Variants in CCNY observed in about 807,000 individuals in gnomAD.
CCNY encodes cyclin-Y.
CCNY carries 19 observed loss-of-function variants against 42.8 expected under a neutral mutation model. That is an observed-to-expected ratio of 0.44 (90% CI 0.31 to 0.65). CCNY has a LOEUF of 0.65. CCNY is among the 30% of genes least tolerant of loss of function. The probability of loss-of-function intolerance (pLI) is 0.07; values close to 1 mark genes in which losing one functional copy is unlikely to be tolerated. For synonymous variants in CCNY, 165 were observed against 162.7 expected (o/e 1.01, Z -0.11); for missense variants, 370 against 437.3 (o/e 0.85, Z 1.37).
intron 8 of CCNY, among the ~76,000 whole-genome samples, chr10:35,562,744 T>C (rs1232006205): frequency 1.3e-5 from 2 of 152,282 alleles, no homozygotes; most frequent in South Asian, 2.1e-4. Context: ...TACCTCCACA[T>C]TGGGCTAGTA....
At chr10:35,501,589 C>T in intron 3 of CCNY, 54 bp downstream of exon 3, 1 of 1,447,526 alleles carries the variant, frequency 6.9e-7, no homozygotes, top group Non-Finnish European at 9.7e-7. Context: ...GTGTAAAGAG[C>T]TAAAATAACT....
intron 7 of CCNY, among the ~76,000 whole-genome samples, chr10:35,539,408 ATCTT>A (rs1266991545): frequency 6.6e-6 from 1 of 152,216 alleles, no homozygotes; most frequent in Non-Finnish European, 1.5e-5. Flanking sequence ...AACATGGAAT[ATCTT>A]TCTATTTATT....
At chr10:35,528,717 C>T (rs770819069) in intron 5 of CCNY, among the ~76,000 whole-genome samples, 10 of 152,120 alleles carry the variant, frequency 6.6e-5, no homozygotes, top group Non-Finnish European at 1.2e-4. Flanking sequence ...GAGCAAGACT[C>T]CGTCTCAAAA....
chr10:35,529,941 T>G lies in CCNY; in HGVS notation c.402-32T>G, dbSNP rs774660532. 3.8e-6 allele frequency: 6 copies of G among 1,567,184 alleles called. No individual in the cohort carries two copies. In the Admixed American group the frequency reaches 1.0e-4, roughly 27 times the overall value. ...ATTTGAATGACATTCTTGCAGAAAG[T>G]AAGTTTCATTTTCTATTATTTTCCC... On this transcript the variant is annotated intron_variant, in intron 5 of 9. Transcript: ENST00000374704.
intron 1 of CCNY, among the ~76,000 whole-genome samples, chr10:35,456,888 C>T (rs553800044): frequency 1.5e-4 from 23 of 152,116 alleles, no homozygotes; most frequent in African/African-American, 4.8e-4. Flanking sequence ...ACACCATTCA[C>T]GGATCAAAAA....
chr10:35,296,457 T>C (rs1216349311), intron 3 of CCNY, among the ~76,000 whole-genome samples: 3 of 152,146 alleles, frequency 2.0e-5, no homozygotes, highest in African/African-American at 7.2e-5. Flanking sequence ...GGCGCATACC[T>C]GTAATCCCAG....
At chr10:35,515,646 G>A (rs1472719160) in intron 3 of CCNY, among the ~76,000 whole-genome samples, 1 of 152,164 alleles carries the variant, frequency 6.6e-6, no homozygotes, top group East Asian at 1.9e-4. Context: ...CATAGCATCA[G>A]GCACGTGGAA....
At chr10:35,391,527 C>T (rs930923589) in intron 1 of CCNY, among the ~76,000 whole-genome samples, 5 of 152,068 alleles carry the variant, frequency 3.3e-5, no homozygotes, top group East Asian at 1.9e-4. Context: ...AGCAAGTGGG[C>T]GATGAGAACC....
chr10:35,319,182 T>C (rs1363998587), intron 3 of CCNY, among the ~76,000 whole-genome samples: 1 of 152,116 alleles, frequency 6.6e-6, no homozygotes, highest in East Asian at 1.9e-4. Context: ...CCAGAACTCT[T>C]GGGTTCAAGC....
At chr10:35,343,915 A>G (rs1463001345) in intron 1 of CCNY, among the ~76,000 whole-genome samples, 3 of 152,224 alleles carry the variant, frequency 2.0e-5, no homozygotes, top group Non-Finnish European at 4.4e-5. Flanking sequence ...TATTGACAGT[A>G]TCATACTTGT....
chr10:35,361,318 G>C (rs1470372822), intron 1 of CCNY, among the ~76,000 whole-genome samples: 1 of 152,042 alleles, frequency 6.6e-6, no homozygotes, highest in Non-Finnish European at 1.5e-5. Flanking sequence ...TAAAAGTGTT[G>C]CCTCTAAACA....
intron 1 of CCNY, among the ~76,000 whole-genome samples, chr10:35,423,342 A>G (rs1838198799): frequency 6.6e-6 from 1 of 151,926 alleles, no homozygotes; most frequent in Non-Finnish European, 1.5e-5. Context: ...GGGCATGGTG[A>G]CGCGCACCTG....
At chr10:35,269,926 C>T (rs1428956928) in intron 3 of CCNY, among the ~76,000 whole-genome samples, 1 of 152,146 alleles carries the variant, frequency 6.6e-6, no homozygotes, top group Non-Finnish European at 1.5e-5. Context: ...GTTCATCACT[C>T]TTAAATTCTG....
At chr10:35,535,544 A>C (rs1374790778) in intron 7 of CCNY, among the ~76,000 whole-genome samples, 1 of 152,138 alleles carries the variant, frequency 6.6e-6, no homozygotes, top group Non-Finnish European at 1.5e-5. Flanking sequence ...ATATGTATAC[A>C]TATACGTATA....
At chr10:35,280,138 G>T (rs1056933517) in intron 3 of CCNY, among the ~76,000 whole-genome samples, 20 of 151,948 alleles carry the variant, frequency 1.3e-4, no homozygotes, top group African/African-American at 4.6e-4. Flanking sequence ...ACCAGCTTGG[G>T]CTACATGATG....
chr10:35,344,555 GT>G (rs1360134471), intron 1 of CCNY, among the ~76,000 whole-genome samples: 1 of 152,004 alleles, frequency 6.6e-6, no homozygotes, highest in Admixed American at 6.6e-5. Flanking sequence ...TTTTTTTTCA[GT>G]TGGTATACTT....
At chr10:35,465,645 C>T (rs901158281) in intron 1 of CCNY, among the ~76,000 whole-genome samples, 2 of 152,116 alleles carry the variant, frequency 1.3e-5, no homozygotes, top group Non-Finnish European at 2.9e-5. Flanking sequence ...TCTTGCCTTG[C>T]GTGTCTACTG....
intron 1 of CCNY, among the ~76,000 whole-genome samples, chr10:35,382,455 C>T (rs1837207791): frequency 6.6e-6 from 1 of 152,210 alleles, no homozygotes; most frequent in Non-Finnish European, 1.5e-5. Flanking sequence ...ACCCTGGCTT[C>T]TTGACTCTCA....
chr10:35,438,307 CCTGA>C (rs1426465742), intron 1 of CCNY, among the ~76,000 whole-genome samples: 2 of 148,924 alleles, frequency 1.3e-5, no homozygotes, highest in African/African-American at 2.5e-5. Context: ...CACCACCATG[CCTGA>C]CTAATTAAAA....
Sources: gnomAD v4.1 joint callset for allele counts (sites outside exome capture counted in the v4.1 genomes callset) on GRCh38, gnomAD v4.1.1 for gene constraint, MANE v1.5 for transcripts, NCBI Gene and HGNC (gene_info 2026-07-23, HGNC 2026-07-21) for gene names.